Variants in ERICH1 observed in about 807,000 individuals in gnomAD.
ERICH1 encodes glutamate-rich protein 1.
In ERICH1, 56 loss-of-function variants were observed where a neutral mutation model predicts 39.6. The observed-to-expected ratio is 1.41, with a 90% CI of 1.14 to 1.77. The LOEUF (loss-of-function observed/expected upper bound fraction) is 1.77, where lower values mean the gene tolerates loss of function less well. Among genes scored for constraint, ERICH1 ranks in the 40% most tolerant of loss-of-function variants. The pLI, the probability that ERICH1 is intolerant of heterozygous loss-of-function variation, is 0.00. For synonymous variants in ERICH1, 313 were observed against 223.6 expected (o/e 1.40, Z -3.57); for missense variants, 826 against 575.4 (o/e 1.44, Z -4.45).
At position 673,638 on chromosome 8, in the gene ERICH1, G is replaced by A. The variant is rs147597546; in HGVS notation, c.714C>T (p.Ser238=). Residue 238 remains serine, a synonymous_variant, in exon 4 of 6, where the codon AGC becomes AGT. Coordinates refer to ENST00000262109, the MANE Select transcript of ERICH1 (RefSeq NM_207332.3). ...GCCTGGCCCGTGTCAGGTCTTCCTCGCTAGCGTCCGCACCATCTTCCTCCC... is the reference window on the plus strand; with the variant it reads ...GCCTGGCCCGTGTCAGGTCTTCCTCACTAGCGTCCGCACCATCTTCCTCCC... ...DTREEDGADA[S]EEDLTRARQE... 6.0e-5 allele frequency: 96 copies of A among 1,609,130 alleles called. 1 individual carries two copies. The African/African-American group carries it at 1.1e-3, about 18-fold the overall frequency.
chr8:728,292 G>A (rs561296412), intron 1 of ERICH1, among the ~76,000 whole-genome samples: 1 of 152,212 alleles, frequency 6.6e-6, no homozygotes, highest in Non-Finnish European at 1.5e-5. Context: ...AGCAAGTCCT[G>A]TATGGCTCTG....
At position 673,862 on chromosome 8, in the gene ERICH1, T is replaced by C. The variant is rs1349717511; in HGVS notation, c.490A>G (p.Lys164Glu). The C allele has an allele frequency of 3.1e-6, 5 of 1,613,690 alleles. No homozygotes were observed. The Admixed American group carries it at 8.3e-5, about 27-fold the overall frequency. Reference protein sequence around the residue: ...GTTISKNKKRKLKKKQQIKRK... With the variant: ...GTTISKNKKRELKKKQQIKRK... ...TTAATTTGCTGTTTCTTTTTCAGTT[T>C]CCTTTTTTTATTTTTGCTTATTGTG... is the stretch of plus-strand genomic sequence containing the variant. Residue 164 changes from lysine to glutamate, a missense_variant, in exon 4 of 6, where the codon AAA becomes GAA. Coordinates refer to ENST00000262109, the MANE Select transcript of ERICH1 (RefSeq NM_207332.3).
At chr8:728,288 T>C (rs1213223580) in intron 1 of ERICH1, among the ~76,000 whole-genome samples, 1 of 152,070 alleles carries the variant, frequency 6.6e-6, no homozygotes, top group East Asian at 1.9e-4. Context: ...AAGGAGCAAG[T>C]CCTGTATGGC....
Position 673,366 on chromosome 8 carries a change from T to C in ERICH1, c.986A>G (p.Asp329Gly), listed in dbSNP as rs1200351000. Reference sequence around the variant, plus strand: ...TGCCTTTTCATTGGTAATTGTATCATCTTCCTCGCTGGCGTCTGCACCGTC... The same window carrying C: ...TGCCTTTTCATTGGTAATTGTATCACCTTCCTCGCTGGCGTCTGCACCGTC... The part of the protein sequence containing the change: ...EEDGADASEE[D>G]DTITNEKAHS... Residue 329 changes from aspartate (D) to glycine (G), a missense_variant, in exon 4 of 6, where the codon GAT (aspartate) becomes GGT (glycine). Coordinates refer to ENST00000262109, the MANE Select transcript of ERICH1 (RefSeq NM_207332.3). 2 of 1,614,100 alleles carry C rather than the reference T, an allele frequency of 1.2e-6. No individual in the cohort carries two copies. Among genetic ancestry groups the C allele is most frequent in the African/African-American group, 1.3e-5 (1 of 74,954 alleles).
chr8:686,837 G>C (rs1207768843), intron 3 of ERICH1: 1 of 152,274 alleles, frequency 6.6e-6, no homozygotes, highest in Non-Finnish European at 1.5e-5. Flanking sequence ...CTTGGACACA[G>C]CTGAATGTGT....
chr8:632,708 T>A (rs932952291), intron 3 of ERICH1, among the ~76,000 whole-genome samples: 4 of 152,206 alleles, frequency 2.6e-5, no homozygotes, highest in Admixed American at 6.5e-5. Flanking sequence ...CCACCAGTGC[T>A]CAGAGACACA....
chr8:683,718 G>C (rs1239675373), intron 3 of ERICH1, among the ~76,000 whole-genome samples: 6 of 152,210 alleles, frequency 3.9e-5, no homozygotes, highest in African/African-American at 1.4e-4. Context: ...CAACAATCTA[G>C]ATGCTAAAGT....
chr8:634,437 T>A (rs544063906), intron 3 of ERICH1, among the ~76,000 whole-genome samples: 1 of 152,254 alleles, frequency 6.6e-6, no homozygotes, highest in African/African-American at 2.4e-5. Flanking sequence ...AACATAGAAT[T>A]GCCACAGCAT....
intron 1 of ERICH1, among the ~76,000 whole-genome samples, chr8:721,471 G>T (rs917173310): frequency 6.6e-6 from 1 of 152,214 alleles, no homozygotes; most frequent in Non-Finnish European, 1.5e-5. Flanking sequence ...CATCTGAGCT[G>T]ACAAGCGCCG....
At chr8:666,767 T>A (rs1260291138) in intron 5 of ERICH1, 1 of 152,398 alleles carries the variant, frequency 6.6e-6, no homozygotes, top group Non-Finnish European at 1.5e-5. Context: ...AAACCCTATC[T>A]TTCTGGGAGC....
chr8:673,139 A>AT lies in ERICH1; in HGVS notation c.1063+149dup, dbSNP rs142231285. 3.5e-3 allele frequency: 3,440 copies of AT among 995,820 alleles called. 88 individuals are homozygous for AT. In the African/African-American group the frequency reaches 0.048, roughly 14 times the overall value. The allele number at this position is 995,820 out of a possible 1,614,324, so 61.7% of individuals were successfully genotyped here. On this transcript the variant is annotated intron_variant, in intron 4 of 5. Transcript: ENST00000262109. ...TTATAACTAATTATTTACATTGAAT[A>AT]TTTTTTACTTATATTAGTTGCCTTA...
At chr8:688,258 C>A (rs1807982554) in intron 3 of ERICH1, among the ~76,000 whole-genome samples, 1 of 150,624 alleles carries the variant, frequency 6.6e-6, no homozygotes, top group Non-Finnish European at 1.5e-5. Context: ...AGCGGCACCC[C>A]GCCCCCAGTT....
intron 3 of ERICH1, among the ~76,000 whole-genome samples, chr8:631,785 C>T (rs1365968658): frequency 2.0e-5 from 3 of 152,162 alleles, no homozygotes; most frequent in African/African-American, 4.8e-5. Context: ...GCCATGTTTA[C>T]AGGCACTGAC....
rs1415572696 is a variant in ERICH1, at chr8:647,678, C to A, written c.976+20920G>T. 3.0e-5 allele frequency among the ~76,000 whole-genome samples: 2 copies of A among 65,808 alleles called. 1 individual carries two copies. Among genetic ancestry groups the A allele is most frequent in the Non-Finnish European group, 9.3e-5 (2 of 21,578 alleles). The allele number at this position is 65,808 out of a possible 152,430, so 43.2% of individuals were successfully genotyped here. ...GTCTGGCAGCCCTGATGGAGTTGAG[C>A]CAGCCCACTCCTGGATGAGCCTCAG... On this transcript the variant is annotated intron_variant, in intron 3 of 3. Coordinates refer to the ERICH1 transcript ENST00000522706.
intron 1 of ERICH1, among the ~76,000 whole-genome samples, chr8:729,019 T>C (rs1469895036): frequency 1.3e-5 from 2 of 152,198 alleles, no homozygotes; most frequent in East Asian, 1.9e-4. Context: ...GGGGAGAGTA[T>C]GGGCCCCTGG....
chr8:686,483 T>C (rs965236114), intron 3 of ERICH1, among the ~76,000 whole-genome samples: 1 of 152,016 alleles, frequency 6.6e-6, no homozygotes, highest in Admixed American at 6.5e-5. Context: ...AAAAACCATG[T>C]AGATCCCACA....
chr8:641,270 G>A (rs1369987188), intron 3 of ERICH1: 1 of 152,220 alleles, frequency 6.6e-6, no homozygotes, highest in East Asian at 1.9e-4. Context: ...GTACAAATCT[G>A]TGTGTAATTA....
intron 1 of ERICH1, among the ~76,000 whole-genome samples, chr8:724,515 A>C (rs939034132): frequency 2.0e-5 from 3 of 152,098 alleles, no homozygotes; most frequent in African/African-American, 7.2e-5. Context: ...AGAGGCCGGC[A>C]CTGCCCCGAC....
intron 3 of ERICH1, among the ~76,000 whole-genome samples, chr8:649,733 G>A (rs1185548770): frequency 1.3e-5 from 2 of 152,112 alleles, no homozygotes; most frequent in Non-Finnish European, 2.9e-5. Context: ...GTGGCCCCTG[G>A]CTGAGCAGTG....
Sources: gnomAD v4.1 joint callset for allele counts (sites outside exome capture counted in the v4.1 genomes callset) on GRCh38, gnomAD v4.1.1 for gene constraint, MANE v1.5 for transcripts, NCBI Gene and HGNC (gene_info 2026-07-23, HGNC 2026-07-21) for gene names.